Variants in KAZN observed in about 807,000 individuals in gnomAD.
The protein encoded by KAZN is kazrin.
Under a neutral mutation model 87.4 loss-of-function variants are expected in KAZN, and 40 were observed. The observed-to-expected ratio is 0.46, with a 90% CI of 0.36 to 0.60. The LOEUF (loss-of-function observed/expected upper bound fraction) is 0.60, where lower values mean the gene tolerates loss of function less well. Among genes scored for constraint, KAZN ranks in the 20% least tolerant of loss-of-function variants. The pLI is 0.00. For missense variants in KAZN, 898 were observed against 1,073.9 expected, an observed-to-expected ratio of 0.84 and a Z score of 2.29; for synonymous variants, 466 against 458.3, an observed-to-expected ratio of 1.02 and a Z score of -0.22.
At chr1:14,043,587 C>A (rs1641930798) in intron 1 of KAZN, among the ~76,000 whole-genome samples, 1 of 148,324 alleles carries the variant, frequency 6.7e-6, no homozygotes, top group Non-Finnish European at 1.5e-5. Context: ...TTTCTCTATA[C>A]CCTCTCCAAC....
rs555474322 is a variant in KAZN at position 14,566,258 on chromosome 1, G to T, written c.250-32725G>T. ...ATGTCCCCATCAAAGCTCTTGAATAGTTAGGTGCCTTGTCAACGACCAGTA... is the reference window on the plus strand; with the variant it reads ...ATGTCCCCATCAAAGCTCTTGAATATTTAGGTGCCTTGTCAACGACCAGTA... On this transcript the variant is annotated intron_variant, in intron 2 of 16. Transcript: ENST00000636203. 2.3e-4 allele frequency among the ~76,000 whole-genome samples: 35 copies of T among 152,220 alleles called. 1 individual carries two copies. Among genetic ancestry groups the T allele is most frequent in the Admixed American group, 1.5e-3 (23 of 15,282 alleles).
chr1:14,411,034 G>A (rs1472270046), intron 2 of KAZN, among the ~76,000 whole-genome samples: 3 of 152,136 alleles, frequency 2.0e-5, no homozygotes, highest in Admixed American at 1.3e-4. Context: ...GATAGATTGA[G>A]AATGAACATC....
At chr1:14,323,985 C>A (rs149818433) in intron 2 of KAZN, among the ~76,000 whole-genome samples, 46 of 152,282 alleles carry the variant, frequency 3.0e-4, no homozygotes, top group African/African-American at 1.1e-3. Context: ...TTTCTATTTG[C>A]AAACTGGCCA....
At chr1:14,713,797 A>AAAAAAAAAAAAGAAAGAAAG (rs1553215138) in intron 1 of KAZN, among the ~76,000 whole-genome samples, 4 of 95,648 alleles carry the variant, frequency 4.2e-5, no homozygotes, top group African/African-American at 1.3e-4. Context: ...AAAAAAAAAA[A>AAAAAAAAAAAAGAAAGAAAG]AAAGAAAGAA....
intron 2 of KAZN, among the ~76,000 whole-genome samples, chr1:14,286,671 A>G (rs963979985): frequency 1.3e-5 from 2 of 152,232 alleles, no homozygotes; most frequent in Non-Finnish European, 2.9e-5. Context: ...AGCTTCCAGA[A>G]GAAAGCTCTA....
At chr1:14,717,679 T>C (rs547068678) in intron 1 of KAZN, among the ~76,000 whole-genome samples, 2 of 152,294 alleles carry the variant, frequency 1.3e-5, no homozygotes, top group African/African-American at 4.8e-5. Flanking sequence ...AGAGTGGACA[T>C]GAATTTGGGG....
intron 2 of KAZN, among the ~76,000 whole-genome samples, chr1:14,390,075 T>C (rs923181381): frequency 6.6e-6 from 1 of 151,284 alleles, no homozygotes; most frequent in African/African-American, 2.4e-5. Context: ...ATGTGAGAAA[T>C]AAATAAATAA....
rs538072008 is a variant in KAZN, at chr1:15,115,293, C to T, written c.*658C>T. ...TTGAAGAGCTGTTTGCCGATCCACC[C>T]AGGAGTGGCTACGCTGAGTGGGGAG... is the stretch of plus-strand genomic sequence containing the variant. On this transcript the variant is annotated 3_prime_UTR_variant, in exon 15 of 15. Coordinates refer to ENST00000376030, the MANE Select transcript of KAZN (RefSeq NM_201628.3). This position sits in a 1 kb window ranked among gnomAD's most constrained non-coding sequence, Gnocchi z 4.1. 3.9e-5 allele frequency: 6 copies of T among 152,464 alleles called. No homozygotes were observed. The highest frequency in any genetic ancestry group is 1.4e-4 in the African/African-American group (6 of 41,578). The allele number at this position is 152,464 out of a possible 1,614,324, so 9.4% of individuals were successfully genotyped here. A position where few individuals can be genotyped will look rare whatever the true frequency, so the allele number is the denominator to read the frequency against.
intron 1 of KAZN, among the ~76,000 whole-genome samples, chr1:14,826,373 T>C (rs973363622): frequency 6.6e-6 from 1 of 152,272 alleles, no homozygotes; most frequent in African/African-American, 2.4e-5. Flanking sequence ...GATTTTTGTG[T>C]TGTAGAGTTT....
At chr1:14,995,316 G>A (rs1429988644) in intron 2 of KAZN, among the ~76,000 whole-genome samples, 1 of 152,270 alleles carries the variant, frequency 6.6e-6, no homozygotes, top group South Asian at 2.1e-4. Flanking sequence ...TAGACCAGGC[G>A]CTCCAGGGAC....
chr1:14,453,919 C>A (rs985071781), intron 2 of KAZN, among the ~76,000 whole-genome samples: 2 of 152,104 alleles, frequency 1.3e-5, no homozygotes, highest in Admixed American at 6.6e-5. Flanking sequence ...ATAGAACTTC[C>A]ACTATGGCAT....
At chr1:14,329,611 C>T (rs1557643262) in intron 2 of KAZN, among the ~76,000 whole-genome samples, 1 of 152,152 alleles carries the variant, frequency 6.6e-6, no homozygotes, top group East Asian at 1.9e-4. Context: ...ACTCCAAAGA[C>T]CATGTTGGTT....
chr1:14,966,673 GT>G (rs201856070), intron 2 of KAZN, among the ~76,000 whole-genome samples: 12 of 151,180 alleles, frequency 7.9e-5, no homozygotes, highest in South Asian at 2.1e-4. Flanking sequence ...TTTTACCCAC[GT>G]TTTTTTTTCT....
chr1:14,810,598 T>C (rs935345140), intron 1 of KAZN, among the ~76,000 whole-genome samples: 1 of 152,128 alleles, frequency 6.6e-6, no homozygotes, highest in Non-Finnish European at 1.5e-5. Context: ...CATTAGCTCA[T>C]TCAGTCTTGA....
At chr1:15,059,157 G>A (rs943247192) in intron 5 of KAZN, among the ~76,000 whole-genome samples, 5 of 148,684 alleles carry the variant, frequency 3.4e-5, no homozygotes, top group Non-Finnish European at 5.9e-5. Flanking sequence ...GGCTGGTTTC[G>A]AAGTCCTGGG....
At chr1:14,049,893 C>T (rs1207757427) in intron 1 of KAZN, among the ~76,000 whole-genome samples, 1 of 152,180 alleles carries the variant, frequency 6.6e-6, no homozygotes. Flanking sequence ...ACAGTGTCAC[C>T]CAGAGGGCCT....
chr1:14,972,288 C>T (rs1024935889), intron 2 of KAZN, among the ~76,000 whole-genome samples: 40 of 152,218 alleles, frequency 2.6e-4, no homozygotes, highest in African/African-American at 8.9e-4. Flanking sequence ...ACGCTGGCCT[C>T]CATCCCAGGA....
chr1:14,826,644 C>T (rs890878890), intron 1 of KAZN, among the ~76,000 whole-genome samples: 1 of 152,150 alleles, frequency 6.6e-6, no homozygotes, highest in African/African-American at 2.4e-5. Flanking sequence ...CATGCATGCC[C>T]CCACTGAGAC....
intron 1 of KAZN, among the ~76,000 whole-genome samples, chr1:14,934,836 G>C (rs1177934960): frequency 6.6e-6 from 1 of 152,232 alleles, no homozygotes; most frequent in East Asian, 1.9e-4. Flanking sequence ...TTTCAGAGAA[G>C]GGTGGGGAGG....
Sources: gnomAD v4.1 joint callset for allele counts (sites outside exome capture counted in the v4.1 genomes callset) on GRCh38, gnomAD v4.1.1 for gene constraint, Gnocchi (gnomAD v3.1) non-coding constraint, MANE v1.5 for transcripts, NCBI Gene and HGNC (gene_info 2026-07-23, HGNC 2026-07-21) for gene names.